The following CNTNAP4 variants were observed in gnomAD, a reference collection of about 807,000 sequenced individuals.
The protein encoded by CNTNAP4 is contactin associated protein family member 4.
In CNTNAP4, 98 loss-of-function variants were observed where a neutral mutation model predicts 148.4. That is an observed-to-expected ratio of 0.66 (90% confidence interval 0.56 to 0.78). The LOEUF (loss-of-function observed/expected upper bound fraction) is 0.78. Ranked by LOEUF, CNTNAP4 falls within the 30% of genes least tolerant of loss-of-function variation. CNTNAP4 has a pLI of 0.00. For missense variants in CNTNAP4, 1,935 were observed against 1,565.6 expected (o/e 1.24, Z -3.98); for synonymous variants, 730 against 565.1 (o/e 1.29, Z -4.14).
chr16:76,405,209 T>C (rs112098142), intron 3 of CNTNAP4, among the ~76,000 whole-genome samples: 4,582 of 152,280 alleles, frequency 0.03, 222 homozygotes, highest in African/African-American at 0.1. Flanking sequence ...TAACCCTTGC[T>C]ATGAAACATA....
At chr16:76,412,818 T>C (rs1373099712) in intron 3 of CNTNAP4, among the ~76,000 whole-genome samples, 1 of 151,426 alleles carries the variant, frequency 6.6e-6, no homozygotes, top group African/African-American at 2.4e-5. Context: ...CTGACATCAG[T>C]TTCCTTTCAT....
intron 21 of CNTNAP4, among the ~76,000 whole-genome samples, chr16:76,553,059 C>T (rs936065482): frequency 6.6e-6 from 1 of 152,166 alleles, no homozygotes; most frequent in Non-Finnish European, 1.5e-5. Flanking sequence ...CTTACCATAT[C>T]ACTTTTAATA....
chr16:76,296,644 CAG>C (rs150169301), intron 1 of CNTNAP4, among the ~76,000 whole-genome samples: 339 of 147,490 alleles, frequency 2.3e-3, no homozygotes, highest in Non-Finnish European at 2.1e-3. Context: ...AAGAGAGAGG[CAG>C]AGAGAGAGAG....
intron 3 of CNTNAP4, among the ~76,000 whole-genome samples, chr16:76,400,620 A>G (rs1028374171): frequency 2.6e-5 from 4 of 152,104 alleles, no homozygotes; most frequent in Non-Finnish European, 2.9e-5. Flanking sequence ...TGCCCATTGT[A>G]TGTCCAGGAT....
chr16:76,340,380 A>G (rs73625336), intron 2 of CNTNAP4, among the ~76,000 whole-genome samples: 5,453 of 152,166 alleles, frequency 0.036, 339 homozygotes, highest in African/African-American at 0.13. Context: ...GGTTATCCTA[A>G]ATCTTTTGTA....
chr16:76,532,381 T>A (rs1433228831), intron 17 of CNTNAP4, among the ~76,000 whole-genome samples: 1 of 152,196 alleles, frequency 6.6e-6, no homozygotes, highest in Admixed American at 6.5e-5. Context: ...TGAAATTCTC[T>A]ATGCCCCTAG....
intron 1 of CNTNAP4, among the ~76,000 whole-genome samples, chr16:76,297,697 C>G (rs974410464): frequency 6.6e-6 from 1 of 152,124 alleles, no homozygotes; most frequent in Non-Finnish European, 1.5e-5. Context: ...TAGATAGATA[C>G]ACAATCCTTC....
intron 3 of CNTNAP4, among the ~76,000 whole-genome samples, chr16:76,374,769 T>TATTAG (rs1567908938): frequency 2.7e-5 from 4 of 147,932 alleles, no homozygotes; most frequent in Admixed American, 1.3e-4. Flanking sequence ...ATTATTATTA[T>TATTAG]TATTATTATT....
chr16:76,442,290 G>A (rs2080074628), intron 4 of CNTNAP4, among the ~76,000 whole-genome samples: 1 of 152,014 alleles, frequency 6.6e-6, no homozygotes. Context: ...GACTTTAGAA[G>A]GAAAAAGCTC....
At chr16:76,487,417 C>G (rs776175251) in intron 12 of CNTNAP4, among the ~76,000 whole-genome samples, 3 of 152,320 alleles carry the variant, frequency 2.0e-5, no homozygotes, top group East Asian at 1.9e-4. Context: ...AAGTCAACCA[C>G]AAAGTATTGA....
intron 1 of CNTNAP4, among the ~76,000 whole-genome samples, chr16:76,299,061 GTAC>G (rs371011634): frequency 0.02 from 2,968 of 152,166 alleles, 97 homozygotes; most frequent in African/African-American, 0.066. Flanking sequence ...AACCTAGGCA[GTAC>G]TACTATTCAG....
chr16:76,354,478 A>G (rs1183343225), intron 2 of CNTNAP4, among the ~76,000 whole-genome samples: 1 of 152,082 alleles, frequency 6.6e-6, no homozygotes, highest in Non-Finnish European at 1.5e-5. Flanking sequence ...CTTTTCCCCC[A>G]TCCTCTTACC....
At chr16:76,394,919 A>C (rs1407873324) in intron 3 of CNTNAP4, among the ~76,000 whole-genome samples, 1 of 152,154 alleles carries the variant, frequency 6.6e-6, no homozygotes, top group African/African-American at 2.4e-5. Context: ...CTGTTTACTT[A>C]GGGCTCTGTG....
chr16:76,547,453 G>T (rs1216842779), intron 21 of CNTNAP4, among the ~76,000 whole-genome samples: 1 of 152,026 alleles, frequency 6.6e-6, no homozygotes, highest in Non-Finnish European at 1.5e-5. Flanking sequence ...GTTATTTTTT[G>T]TGTCAAATAC....
intron 3 of CNTNAP4, among the ~76,000 whole-genome samples, chr16:76,390,802 T>C (rs1450952626): frequency 6.6e-6 from 1 of 152,194 alleles, no homozygotes; most frequent in Non-Finnish European, 1.5e-5. Flanking sequence ...GTTTGCACTA[T>C]AGGACTTTAC....
chr16:76,464,563 G>A (rs970460947), intron 9 of CNTNAP4, among the ~76,000 whole-genome samples: 3 of 152,150 alleles, frequency 2.0e-5, no homozygotes. Flanking sequence ...GCCAGTTTAT[G>A]TTCAAGTAAA....
chr16:76,297,334 C>G (rs1405082693), intron 1 of CNTNAP4, among the ~76,000 whole-genome samples: 1 of 152,092 alleles, frequency 6.6e-6, no homozygotes, highest in Non-Finnish European at 1.5e-5. Flanking sequence ...AAATTCCCCA[C>G]ATCACAAAGT....
intron 3 of CNTNAP4, among the ~76,000 whole-genome samples, chr16:76,421,413 T>A (rs2079184983): frequency 6.6e-6 from 1 of 152,070 alleles, no homozygotes; most frequent in Non-Finnish European, 1.5e-5. Context: ...ATAAATGAAT[T>A]TTACATTCAT....
chr16:76,533,166 A>G (rs2084059903), intron 17 of CNTNAP4, among the ~76,000 whole-genome samples: 1 of 152,216 alleles, frequency 6.6e-6, no homozygotes, highest in South Asian at 2.1e-4. Context: ...ATAAAAAAGA[A>G]TAAAATCCTG....
Sources: gnomAD v4.1 joint callset for allele counts (sites outside exome capture counted in the v4.1 genomes callset) on GRCh38, gnomAD v4.1.1 for gene constraint, MANE v1.5 for transcripts, NCBI Gene and HGNC (gene_info 2026-07-23, HGNC 2026-07-21) for gene names.